PCDH11X: variants seen among roughly 807,000 people sequenced by gnomAD.
PCDH11X encodes protocadherin 11 X-linked.
A neutral mutation model predicts 53.3 loss-of-function variants in PCDH11X; 18 were observed. The ratio of observed to expected loss-of-function variants is 0.34; its 90% CI spans 0.23 to 0.50. The LOEUF (loss-of-function observed/expected upper bound fraction) is 0.50. Among genes scored for constraint, PCDH11X ranks in the 20% least tolerant of loss-of-function variants. PCDH11X has a pLI of 0.98. For missense variants in PCDH11X, 570 were observed against 1,032.4 expected (o/e 0.55, Z 6.14); for synonymous variants, 279 against 393.3 (o/e 0.71, Z 3.44).
chrX:91,880,577 G>A (rs984454968), intron 6 of PCDH11X, among the ~76,000 whole-genome samples: 3 of 111,562 alleles, frequency 2.7e-5, no homozygotes, highest in Non-Finnish European at 5.7e-5. Context: ...ATCACACAAT[G>A]AACGTAAGGT....
intron 8 of PCDH11X, among the ~76,000 whole-genome samples, chrX:92,352,769 A>G (rs1043801383): frequency 9.0e-6 from 1 of 111,261 alleles, no homozygotes; most frequent in Non-Finnish European, 1.9e-5. Flanking sequence ...GGATCTAGCC[A>G]CCCAGCAGGA....
chrX:92,296,125 G>A (rs1448537477), intron 8 of PCDH11X, among the ~76,000 whole-genome samples: 2 of 109,226 alleles, frequency 1.8e-5, no homozygotes, highest in Admixed American at 9.8e-5. Context: ...TTATTTTATT[G>A]ATTTGCTATA....
chrX:92,563,455 G>A (rs1480844292), intron 10 of PCDH11X, among the ~76,000 whole-genome samples: 24 of 108,053 alleles, frequency 2.2e-4, no homozygotes, highest in Non-Finnish European at 9.6e-5. Flanking sequence ...TAAGATTTGG[G>A]CCAGGAAGCA....
chrX:91,842,782 T>A (rs1316106946), intron 5 of PCDH11X, among the ~76,000 whole-genome samples: 3 of 98,149 alleles, frequency 3.1e-5, no homozygotes, highest in African/African-American at 1.2e-4. Flanking sequence ...TAAGTGTGAA[T>A]TTTGTTTCAT....
intron 8 of PCDH11X, among the ~76,000 whole-genome samples, chrX:92,352,990 T>C (rs1875651517): frequency 9.0e-6 from 1 of 111,332 alleles, no homozygotes; most frequent in South Asian, 3.9e-4. Context: ...CACACGCTGC[T>C]CTGTCTGTCT....
At chrX:92,441,369 T>C (rs1047193890) in intron 9 of PCDH11X, among the ~76,000 whole-genome samples, 9 of 111,227 alleles carry the variant, frequency 8.1e-5, no homozygotes, top group African/African-American at 2.6e-4. Context: ...CAGGAGGCTT[T>C]ATGGCAGCCC....
chrX:91,955,812 C>G (rs931286824), intron 6 of PCDH11X, among the ~76,000 whole-genome samples: 3 of 111,407 alleles, frequency 2.7e-5, no homozygotes, highest in African/African-American at 6.5e-5. Flanking sequence ...TCCTGAATAT[C>G]TTTGTTAATT....
chrX:92,447,850 C>G (rs911556938), intron 9 of PCDH11X, among the ~76,000 whole-genome samples: 5 of 112,393 alleles, frequency 4.4e-5, no homozygotes, highest in African/African-American at 1.6e-4. Context: ...AGGGTGTACC[C>G]TGCCAAGCCA....
intron 6 of PCDH11X, among the ~76,000 whole-genome samples, chrX:91,932,559 T>G (rs2061399611): frequency 2.1e-5 from 2 of 97,280 alleles, no homozygotes; most frequent in South Asian, 5.5e-4. Context: ...ACAGAGTCAG[T>G]AGTAGCAAGA....
intron 8 of PCDH11X, among the ~76,000 whole-genome samples, chrX:92,299,508 G>T (rs2068677270): frequency 9.0e-6 from 1 of 110,804 alleles, no homozygotes; most frequent in African/African-American, 3.3e-5. Flanking sequence ...ATTTGTTCAG[G>T]GATCCAATTT....
chrX:92,475,180 A>T, intron 10 of PCDH11X, among the ~76,000 whole-genome samples: 1 of 106,733 alleles, frequency 9.4e-6, no homozygotes, highest in Non-Finnish European at 1.9e-5. Context: ...AAAAAAAAAA[A>T]AAAAAAAAAA....
At chrX:92,143,929 C>T in intron 6 of PCDH11X, among the ~76,000 whole-genome samples, 1 of 111,730 alleles carries the variant, frequency 9.0e-6, no homozygotes. Context: ...ACCATGGGAA[C>T]CCACCTCTTG....
chrX:92,434,128 C>CATCT (rs745526186), intron 9 of PCDH11X, among the ~76,000 whole-genome samples: 2 of 110,972 alleles, frequency 1.8e-5, no homozygotes, highest in African/African-American at 3.3e-5. Context: ...ATCTATCTAT[C>CATCT]ATCTATCTAT....
At chrX:91,929,911 C>T (rs2147836331) in intron 6 of PCDH11X, among the ~76,000 whole-genome samples, 1 of 110,862 alleles carries the variant, frequency 9.0e-6, no homozygotes, top group Admixed American at 9.7e-5. Context: ...ACTAGGCAGG[C>T]TCATAAAAAG....
chrX:91,993,669 T>A (rs1431026126), intron 6 of PCDH11X, among the ~76,000 whole-genome samples: 2 of 111,300 alleles, frequency 1.8e-5, no homozygotes, highest in Non-Finnish European at 3.8e-5. Flanking sequence ...TGGGAAGTAA[T>A]AAATTTAGAA....
At chrX:92,308,704 C>T (rs1164377048) in intron 8 of PCDH11X, among the ~76,000 whole-genome samples, 1 of 110,764 alleles carries the variant, frequency 9.0e-6, no homozygotes, top group African/African-American at 3.3e-5. Flanking sequence ...AAAAGCAACC[C>T]ACAGAATTAG....
At chrX:92,290,195 G>A (rs1474708373) in intron 8 of PCDH11X, among the ~76,000 whole-genome samples, 1 of 111,258 alleles carries the variant, frequency 9.0e-6, no homozygotes, top group African/African-American at 3.3e-5. Context: ...CCTTCCATTT[G>A]TATGTATGTA....
intron 6 of PCDH11X, among the ~76,000 whole-genome samples, chrX:92,022,992 A>G (rs370688072): frequency 4.5e-5 from 5 of 110,803 alleles, no homozygotes; most frequent in African/African-American, 1.6e-4. Context: ...ACAACATACC[A>G]GAATCTCTTG....
At chrX:92,416,405 C>A (rs2071811523) in intron 9 of PCDH11X, among the ~76,000 whole-genome samples, 1 of 110,500 alleles carries the variant, frequency 9.0e-6, no homozygotes, top group African/African-American at 3.3e-5. Flanking sequence ...ACATTGCATG[C>A]CTGTATAAAA....
Sources: allele counts gnomAD v4.1 joint callset (sites outside exome capture counted in the v4.1 genomes callset), GRCh38; gene constraint gnomAD v4.1.1; transcripts MANE v1.5; gene names NCBI Gene and HGNC (gene_info 2026-07-23, HGNC 2026-07-21).